SGCZ: variants seen among roughly 807,000 people sequenced by gnomAD.
The protein encoded by SGCZ is zeta-sarcoglycan.
SGCZ carries 40 observed loss-of-function variants against 41.3 expected under a neutral mutation model. The observed-to-expected ratio is 0.97, with a 90% CI of 0.75 to 1.26. The LOEUF (loss-of-function observed/expected upper bound fraction) is 1.26, where lower values mean the gene tolerates loss of function less well. Ranked by LOEUF, SGCZ falls within the 50% of genes most tolerant of loss-of-function variation. The pLI is 0.00. For synonymous variants in SGCZ, 206 were observed against 137.5 expected (o/e 1.50, Z -3.49); for missense variants, 552 against 369.8 (o/e 1.49, Z -4.04).
chr8:14,738,458 T>C (rs1799111325), intron 1 of SGCZ, among the ~76,000 whole-genome samples: 1 of 152,152 alleles, frequency 6.6e-6, no homozygotes, highest in African/African-American at 2.4e-5. Context: ...AAAAAAGTTT[T>C]TAATTTTTCT....
chr8:14,379,174 T>C (rs1027925685), intron 2 of SGCZ, among the ~76,000 whole-genome samples: 1 of 152,164 alleles, frequency 6.6e-6, no homozygotes, highest in Non-Finnish European at 1.5e-5. Flanking sequence ...AAAAGAAATA[T>C]TAACCAATTT....
At chr8:14,554,331 A>G (rs1223144613) in intron 2 of SGCZ, among the ~76,000 whole-genome samples, 2 of 152,084 alleles carry the variant, frequency 1.3e-5, no homozygotes, top group Non-Finnish European at 2.9e-5. Flanking sequence ...TATATGTTAT[A>G]TGAAGTAATT....
chr8:14,130,612 G>GTGT (rs1318320567), intron 5 of SGCZ, among the ~76,000 whole-genome samples: 1 of 152,202 alleles, frequency 6.6e-6, no homozygotes, highest in Admixed American at 6.5e-5. Context: ...TAGGCAGATA[G>GTGT]TGAGGGTAAG....
Position 14,086,967 on chromosome 8 carries a change from A to C in SGCZ, c.*3476T>G, listed in dbSNP as rs1230797541. Among the ~76,000 whole-genome samples the C allele has an allele frequency of 6.6e-6, 1 of 151,662 alleles. No homozygotes were observed. The highest frequency in any genetic ancestry group is 1.5e-5 in the Non-Finnish European group (1 of 67,722). On this transcript the variant is annotated 3_prime_UTR_variant, in exon 8 of 8. Transcript: ENST00000382080. ...CCCTCTCACAGATAAGTGAACTGTG[A>C]CCAACGTAATTAAATATATGTCTTA...
At chr8:14,341,048 A>T (rs1167347578) in intron 2 of SGCZ, among the ~76,000 whole-genome samples, 1 of 152,216 alleles carries the variant, frequency 6.6e-6, no homozygotes, top group African/African-American at 2.4e-5. Flanking sequence ...GTCCTTTTGT[A>T]TATGACTTAT....
chr8:14,515,960 G>C (rs1368650794), intron 2 of SGCZ, among the ~76,000 whole-genome samples: 1 of 151,940 alleles, frequency 6.6e-6, no homozygotes, highest in Non-Finnish European at 1.5e-5. Context: ...TACCTTGTTG[G>C]AAATAACTTA....
At chr8:14,125,613 G>T (rs749067862) in intron 5 of SGCZ, among the ~76,000 whole-genome samples, 1 of 151,660 alleles carries the variant, frequency 6.6e-6, no homozygotes, top group Non-Finnish European at 1.5e-5. Flanking sequence ...ATTCTTCATA[G>T]AATTAGAAAA....
chr8:14,588,681 T>G (rs1197749106), intron 1 of SGCZ, among the ~76,000 whole-genome samples: 2 of 152,078 alleles, frequency 1.3e-5, no homozygotes. Flanking sequence ...AGGAACAGAA[T>G]GGAAGAAATG....
chr8:14,409,517 T>C (rs1047439011), intron 2 of SGCZ, among the ~76,000 whole-genome samples: 1 of 152,154 alleles, frequency 6.6e-6, no homozygotes, highest in Non-Finnish European at 1.5e-5. Context: ...ATGTTTTACA[T>C]GGCTGCCTCA....
intron 1 of SGCZ, among the ~76,000 whole-genome samples, chr8:14,557,949 C>T (rs953502149): frequency 6.6e-6 from 1 of 152,058 alleles, no homozygotes; most frequent in East Asian, 1.9e-4. Context: ...AATAGCGAAG[C>T]TCCAAATAAG....
chr8:15,085,220 G>A (rs943197014), intron 1 of SGCZ, among the ~76,000 whole-genome samples: 1 of 152,210 alleles, frequency 6.6e-6, no homozygotes, highest in African/African-American at 2.4e-5. Context: ...CCTACTCACA[G>A]TTAATTTTAA....
intron 5 of SGCZ, among the ~76,000 whole-genome samples, chr8:14,130,573 G>A (rs776370231): frequency 2.6e-5 from 4 of 152,140 alleles, no homozygotes; most frequent in Non-Finnish European, 5.9e-5. Context: ...AGTGAGTGGA[G>A]GTAACACAGG....
At chr8:14,156,764 T>C (rs1244107030) in intron 5 of SGCZ, among the ~76,000 whole-genome samples, 1 of 152,180 alleles carries the variant, frequency 6.6e-6, no homozygotes, top group African/African-American at 2.4e-5. Context: ...AGCCCAGGTC[T>C]ACAAAGAATC....
intron 1 of SGCZ, among the ~76,000 whole-genome samples, chr8:14,571,701 C>A (rs1008386649): frequency 4.6e-5 from 7 of 152,080 alleles, no homozygotes; most frequent in African/African-American, 1.7e-4. Flanking sequence ...AGGCCTTGAC[C>A]ATATTATAAA....
intron 1 of SGCZ, among the ~76,000 whole-genome samples, chr8:14,722,137 G>T (rs907555043): frequency 1.3e-5 from 2 of 151,960 alleles, no homozygotes; most frequent in African/African-American, 4.8e-5. Flanking sequence ...TTTCTGCTCA[G>T]AACTAGTAGT....
intron 1 of SGCZ, among the ~76,000 whole-genome samples, chr8:14,926,768 G>A (rs999872014): frequency 6.6e-6 from 1 of 151,994 alleles, no homozygotes; most frequent in African/African-American, 2.4e-5. Context: ...AGCCTCCCAA[G>A]TAGCTGGGAT....
intron 1 of SGCZ, among the ~76,000 whole-genome samples, chr8:14,776,850 T>G (rs1005744090): frequency 6.6e-6 from 1 of 152,220 alleles, no homozygotes. Context: ...AAACTCTTCA[T>G]TGTGTTAAAA....
intron 1 of SGCZ, among the ~76,000 whole-genome samples, chr8:15,161,389 C>CT (rs1410407456): frequency 6.6e-6 from 1 of 152,140 alleles, no homozygotes; most frequent in Non-Finnish European, 1.5e-5. Context: ...CTCCACAGCA[C>CT]TTACCCCACT....
chr8:14,087,204 T>C lies in SGCZ; in HGVS notation c.*3239A>G, dbSNP rs888951474. Among the ~76,000 whole-genome samples the C allele has an allele frequency of 2.0e-5, 3 of 151,652 alleles. No homozygotes were observed. The highest frequency in any genetic ancestry group is 4.4e-5 in the Non-Finnish European group (3 of 67,736). On this transcript the variant is annotated 3_prime_UTR_variant, in exon 8 of 8. Coordinates refer to ENST00000382080, the MANE Select transcript of SGCZ (RefSeq NM_139167.4). ...AATATATATATTTTAGACATAAATGTGTGTATGTGTGTGTATGACTAATAA... is the reference window on the plus strand; with the variant it reads ...AATATATATATTTTAGACATAAATGCGTGTATGTGTGTGTATGACTAATAA...
Sources: gnomAD v4.1 joint callset for allele counts (sites outside exome capture counted in the v4.1 genomes callset) on GRCh38, gnomAD v4.1.1 for gene constraint, MANE v1.5 for transcripts, NCBI Gene and HGNC (gene_info 2026-07-23, HGNC 2026-07-21) for gene names.